Variants in EML5 observed in about 807,000 individuals in gnomAD.
The protein encoded by EML5 is EMAP like 5.
A neutral mutation model predicts 250.0 loss-of-function variants in EML5; 120 were observed. The observed-to-expected ratio is 0.48, with a 90% confidence interval of 0.41 to 0.56. The LOEUF (loss-of-function observed/expected upper bound fraction) is 0.56, where lower values mean the gene tolerates loss of function less well. EML5 is among the 20% of genes least tolerant of loss of function. EML5 has a pLI of 0.00. For missense variants in EML5, 2,006 were observed against 2,437.6 expected, an observed-to-expected ratio of 0.82 and a Z score of 3.73; for synonymous variants, 771 against 806.5, an observed-to-expected ratio of 0.96 and a Z score of 0.75.
At chr14:88,717,436 A>G (rs1444777724) in intron 8 of EML5, among the ~76,000 whole-genome samples, 1 of 152,196 alleles carries the variant, frequency 6.6e-6, no homozygotes, top group African/African-American at 2.4e-5. Context: ...AAGATGTACC[A>G]GTCAAATCAC....
intron 1 of EML5, among the ~76,000 whole-genome samples, chr14:88,764,847 G>A (rs927780054): frequency 3.3e-5 from 5 of 151,424 alleles, no homozygotes; most frequent in African/African-American, 9.7e-5. Context: ...TTTTTATTTT[G>A]ATTCCATTAT....
chr14:88,726,525 T>C lies in EML5; in HGVS notation c.1187+16A>G, dbSNP rs1372473278. On this transcript the variant is annotated intron_variant, in intron 8 of 43. Transcript: ENST00000554922. ...TGAAGATAAAATTATTATGTGTTTC[T>C]ACCCTAATACCATACCTTACTCTAA... The C allele has an allele frequency of 1.0e-5, 16 of 1,588,032 alleles. No homozygotes were observed. Among genetic ancestry groups the C allele is most frequent in the Non-Finnish European group, 1.4e-5 (16 of 1,166,882 alleles).
At chr14:88,786,589 T>C (rs1416139758) in intron 1 of EML5, among the ~76,000 whole-genome samples, 1 of 152,186 alleles carries the variant, frequency 6.6e-6, no homozygotes, top group Admixed American at 6.5e-5. Context: ...TCATCTCGAA[T>C]TGTACTCCCA....
At chr14:88,659,012 C>T (rs1567076903) in intron 25 of EML5, among the ~76,000 whole-genome samples, 1 of 151,564 alleles carries the variant, frequency 6.6e-6, no homozygotes, top group Non-Finnish European at 1.5e-5. Context: ...TTCATTAGTG[C>T]TTTTTTTTGT....
In EML5 at chr14:88,772,969, C is replaced by T. The variant is rs116418930; in HGVS notation, c.198-18298G>A. 5.6e-3 allele frequency among the ~76,000 whole-genome samples: 850 copies of T among 152,312 alleles called. 7 individuals carry two copies. The highest frequency in any genetic ancestry group is 0.02 in the African/African-American group (819 of 41,566). On this transcript the variant is annotated intron_variant, in intron 1 of 43. Coordinates refer to ENST00000554922, the MANE Select transcript of EML5 (RefSeq NM_183387.3). ...CAAATATAACTTGCTCAGAGAAGCTCTCCCTAACTACTCCTAGTCATCCCA... is the reference window on the plus strand; with the variant it reads ...CAAATATAACTTGCTCAGAGAAGCTTTCCCTAACTACTCCTAGTCATCCCA...
At chr14:88,671,885 C>T (rs1310279743) in intron 21 of EML5, among the ~76,000 whole-genome samples, 1 of 152,116 alleles carries the variant, frequency 6.6e-6, no homozygotes, top group Non-Finnish European at 1.5e-5. Context: ...AGTTCAGGAG[C>T]ACCCAGATTC....
intron 8 of EML5, among the ~76,000 whole-genome samples, chr14:88,722,478 G>C (rs2093605289): frequency 6.6e-6 from 1 of 152,112 alleles, no homozygotes; most frequent in Admixed American, 6.5e-5. Context: ...CATGGATGGA[G>C]CAAGAAGCCA....
chr14:88,620,608 A>C lies in EML5; in HGVS notation c.5375+146T>G, dbSNP rs1317315889. ...GCAAGAAGAATTAAGTAGTATACAA[A>C]CAGCCATATTTTAGCATACAATTTA... On this transcript the variant is annotated intron_variant, in intron 39 of 43. Transcript: ENST00000554922. The surrounding 1 kb of genome is among the most constrained non-coding windows in gnomAD (Gnocchi z 4.3). 1.6e-6 allele frequency: 1 copy of C among 642,818 alleles called. No homozygotes were observed. The highest frequency in any genetic ancestry group is 2.4e-6 in the Non-Finnish European group (1 of 415,720). 39.8% of individuals were successfully genotyped at this position (642,818 alleles called of 1,614,324 possible).
At chr14:88,706,494 T>C (rs2093319797) in intron 10 of EML5, 68 bp from the exon 11 acceptor site, 1 of 1,203,286 alleles carries the variant, frequency 8.3e-7, no homozygotes, top group Admixed American at 3.2e-5. Context: ...AAACAATTTT[T>C]ATATATGAAC....
chr14:88,745,631 G>T (rs1213304296), intron 3 of EML5, among the ~76,000 whole-genome samples: 2 of 152,082 alleles, frequency 1.3e-5, no homozygotes, highest in Non-Finnish European at 2.9e-5. Context: ...AAACTAAACA[G>T]ACCCTAGGCT....
At chr14:88,683,648 A>G (rs189310391) in intron 20 of EML5, among the ~76,000 whole-genome samples, 101 of 152,356 alleles carry the variant, frequency 6.6e-4, no homozygotes, top group African/African-American at 2.1e-3. Context: ...AGTGGGATTT[A>G]TCCCAGGAAT....
rs761569434 is a variant in EML5 at position 88,646,938 on chromosome 14, G to C, written c.4028+9C>G. ...TTAGGCTTTGTAAACACAGCAAAGA[G>C]AGGATTACCTGGAACCTCTTTTCAG... On this transcript the variant is annotated intron_variant, in intron 29 of 43. Transcript: ENST00000554922. 1 of 1,592,116 alleles carries C rather than the reference G, an allele frequency of 6.3e-7. No individual in the cohort carries two copies. The highest frequency in any genetic ancestry group is 1.1e-5 in the South Asian group (1 of 89,396).
chr14:88,691,582 T>C (rs868762479), intron 17 of EML5, among the ~76,000 whole-genome samples: 5 of 152,180 alleles, frequency 3.3e-5, no homozygotes, highest in Admixed American at 2.0e-4. Flanking sequence ...CTACCATGAA[T>C]AGAGTTCAAA....
intron 28 of EML5, among the ~76,000 whole-genome samples, chr14:88,647,188 C>G (rs982778752): frequency 1.2e-4 from 18 of 151,896 alleles, no homozygotes; most frequent in African/African-American, 4.4e-4. Context: ...TGGTGAAATC[C>G]CGTCTCTACT....
At chr14:88,714,346 C>A (rs2093457349) in intron 9 of EML5, among the ~76,000 whole-genome samples, 1 of 151,974 alleles carries the variant, frequency 6.6e-6, no homozygotes, top group Non-Finnish European at 1.5e-5. Flanking sequence ...AATTAAGAAC[C>A]AAAGGATTTA....
chr14:88,787,739 T>C (rs1369245733), intron 1 of EML5, among the ~76,000 whole-genome samples: 1 of 152,218 alleles, frequency 6.6e-6, no homozygotes, highest in Admixed American at 6.5e-5. Flanking sequence ...TAAATAAATG[T>C]TAAGTCCATC....
chr14:88,744,149 C>A, intron 3 of EML5, 58 bp from the exon 4 acceptor site: 2 of 1,334,402 alleles, frequency 1.5e-6, no homozygotes, highest in African/African-American at 1.5e-5. Flanking sequence ...TTTAAAAATC[C>A]TGTCCAAAAG....
chr14:88,657,286 T>A, intron 27 of EML5, 90 bp downstream of exon 27: 1 of 1,258,144 alleles, frequency 7.9e-7, no homozygotes. Context: ...TCACTGTTAC[T>A]TAGTTTGTGT....
intron 21 of EML5, among the ~76,000 whole-genome samples, chr14:88,674,915 C>T (rs1242450328): frequency 1.3e-5 from 2 of 152,220 alleles, no homozygotes; most frequent in Non-Finnish European, 2.9e-5. Context: ...CAAAATCCAG[C>T]AGGACAGTCA....
Sources: gnomAD v4.1 joint callset for allele counts (sites outside exome capture counted in the v4.1 genomes callset) on GRCh38, gnomAD v4.1.1 for gene constraint, Gnocchi (gnomAD v3.1) non-coding constraint, MANE v1.5 for transcripts, NCBI Gene and HGNC (gene_info 2026-07-23, HGNC 2026-07-21) for gene names.